ZNF850: variants seen among roughly 807,000 people sequenced by gnomAD.
ZNF850 encodes zinc finger protein 850.
A neutral mutation model predicts 11.9 loss-of-function variants in ZNF850; 2 were observed. The ratio of observed to expected loss-of-function variants is 0.17; its 90% CI spans 0.07 to 0.53. The LOEUF (loss-of-function observed/expected upper bound fraction) is 0.53. ZNF850 is among the 20% of genes least tolerant of loss of function. The pLI is 0.94. For synonymous variants in ZNF850, 381 were observed against 443.0 expected (o/e 0.86, Z 1.76); for missense variants, 1,014 against 1,316.4 (o/e 0.77, Z 3.55).
chr19:36,771,829 C>A (rs1484625944), intron 1 of ZNF850, among the ~76,000 whole-genome samples: 1 of 152,216 alleles, frequency 6.6e-6, no homozygotes, highest in Non-Finnish European at 1.5e-5. Flanking sequence ...AACCGCCTGA[C>A]TTCCTTATCA....
chr19:36,759,839 A>G (rs2081306169), intron 4 of ZNF850, among the ~76,000 whole-genome samples: 1 of 152,240 alleles, frequency 6.6e-6, no homozygotes, highest in South Asian at 2.1e-4. Context: ...ATTTTGAAAA[A>G]CAAAATGCCT....
intron 4 of ZNF850, among the ~76,000 whole-genome samples, chr19:36,753,730 T>C (rs960796059): frequency 1.2e-4 from 19 of 152,108 alleles, no homozygotes; most frequent in Non-Finnish European, 2.2e-4. Flanking sequence ...TATAAGCTCA[T>C]TTAATCTTCA....
chr19:36,752,793 T>G (rs986561160), intron 4 of ZNF850, among the ~76,000 whole-genome samples: 1 of 152,282 alleles, frequency 6.6e-6, no homozygotes, highest in South Asian at 2.1e-4. Context: ...TAACTGGAAA[T>G]GCAAAAGCAA....
At chr19:36,768,438 A>G (rs1426682923) in intron 1 of ZNF850, among the ~76,000 whole-genome samples, 2 of 152,204 alleles carry the variant, frequency 1.3e-5, no homozygotes, top group African/African-American at 2.4e-5. Context: ...TTGTTGCTTA[A>G]TATTACTCAT....
In ZNF850 at chr19:36,748,500, C is replaced by T. The variant is rs903409011; in HGVS notation, c.2540G>A (p.Gly847Glu). 5 of 1,539,188 alleles carry T rather than the reference C, an allele frequency of 3.2e-6. No individual in the cohort carries two copies. The highest frequency in any genetic ancestry group is 4.4e-6 in the Non-Finnish European group (5 of 1,147,508). The change falls in exon 5 of 5, where the codon GGG (glycine) becomes GAG (glutamate). Residue 847 changes from glycine to glutamate, a missense_variant. This residue lies in a region of ZNF850 where 835 missense variants were observed against 1,022.0 expected (regional missense o/e 0.82). Coordinates refer to ENST00000591344, the MANE Select transcript of ZNF850 (RefSeq NM_001193552.2). ...GEKRYSCKEC[G>E]KSFTSRSTLI... Reference sequence around the variant, plus strand: ...TGTTGAGCGAGAAGTAAAAGATTTCCCACATTCTTTACAACTGTAGCGTTT... The same window carrying T: ...TGTTGAGCGAGAAGTAAAAGATTTCTCACATTCTTTACAACTGTAGCGTTT...
chr19:36,756,447 A>G (rs1471230897), intron 4 of ZNF850, among the ~76,000 whole-genome samples: 1 of 152,040 alleles, frequency 6.6e-6, no homozygotes, highest in Non-Finnish European at 1.5e-5. Flanking sequence ...CTATGTGTGC[A>G]TTTTTTTCTT....
At chr19:36,754,774 C>G (rs757717907) in intron 4 of ZNF850, among the ~76,000 whole-genome samples, 1 of 152,062 alleles carries the variant, frequency 6.6e-6, no homozygotes, top group Non-Finnish European at 1.5e-5. Flanking sequence ...CCAGCCTGGT[C>G]TTGAGCTACT....
At chr19:36,766,956 G>T (rs1002626517) in intron 1 of ZNF850, among the ~76,000 whole-genome samples, 2 of 152,046 alleles carry the variant, frequency 1.3e-5, no homozygotes, top group Admixed American at 6.6e-5. Flanking sequence ...TACGAAAAAG[G>T]CCAGGCGCAG....
intron 1 of ZNF850, among the ~76,000 whole-genome samples, chr19:36,763,862 C>T (rs2040533692): frequency 1.3e-5 from 2 of 151,504 alleles, no homozygotes; most frequent in Non-Finnish European, 1.5e-5. Context: ...TGCTTGAGCC[C>T]GGGAGGTCGA....
intron 1 of ZNF850, among the ~76,000 whole-genome samples, chr19:36,772,385 A>G (rs1035915802): frequency 6.6e-5 from 10 of 151,880 alleles, no homozygotes; most frequent in African/African-American, 2.4e-4. Flanking sequence ...TCTCACATAC[A>G]CCAAGGGGCC....
rs1382146149 is a variant in ZNF850, at chr19:36,748,662, G to T, written c.2378C>A (p.Ser793Tyr). ...AATTAGTGTTGAATGAGAAGTAAAAGATTTCCCACATTCCTTACAATCATA... is the reference window on the plus strand; with the variant it reads ...AATTAGTGTTGAATGAGAAGTAAAATATTTCCCACATTCCTTACAATCATA... ...KLYDCKECGKSFTSHSTLIQH... is the reference protein window; with the variant it reads ...KLYDCKECGKYFTSHSTLIQH... Residue 793 changes from serine (S) to tyrosine (Y), a missense_variant, in exon 5 of 5, where the codon TCT becomes TAT. Physicochemically the swap from Ser to Tyr is moderately radical, Grantham distance 144. Around this residue, in one of 2 missense-constraint regions of ZNF850, gnomAD observed 835 missense variants for 1,022.0 expected, o/e 0.82. Coordinates refer to ENST00000591344, the MANE Select transcript of ZNF850 (RefSeq NM_001193552.2). 1 of 1,537,518 alleles carries T rather than the reference G, an allele frequency of 6.5e-7. No individual in the cohort carries two copies. Among genetic ancestry groups the T allele is most frequent in the Non-Finnish European group, 8.7e-7 (1 of 1,147,024 alleles).
At chr19:36,755,755 A>G (rs2040482293) in intron 4 of ZNF850, among the ~76,000 whole-genome samples, 1 of 151,492 alleles carries the variant, frequency 6.6e-6, no homozygotes, top group African/African-American at 2.4e-5. Context: ...TCACATGAAG[A>G]AAAAAAACAG....
chr19:36,763,936 TCAAACAAA>T (rs561946291), intron 1 of ZNF850, among the ~76,000 whole-genome samples: 25 of 150,968 alleles, frequency 1.7e-4, no homozygotes, highest in Admixed American at 5.3e-4. Flanking sequence ...AGATCCTGTC[TCAAACAAA>T]CAAACAAACA....
In ZNF850 at chr19:36,748,505, T is replaced by G. The variant is rs2040427837; in HGVS notation, c.2535A>C (p.Glu845Asp). The G allele has an allele frequency of 6.5e-7, 1 of 1,538,826 alleles. No homozygotes were observed. Among genetic ancestry groups the G allele is most frequent in the Admixed American group, 2.0e-5 (1 of 50,998 alleles). Residue 845 changes from glutamate (E) to aspartate (D), a missense_variant, in exon 5 of 5, where the codon GAA (glutamate) becomes GAC (aspartate). Physicochemically the swap from Glu to Asp is conservative, Grantham distance 45. This residue lies in a region of ZNF850 where 835 missense variants were observed against 1,022.0 expected (regional missense o/e 0.82). Transcript: ENST00000591344. ...AGCGAGAAGTAAAAGATTTCCCACATTCTTTACAACTGTAGCGTTTCTCAC... is the reference window on the plus strand; with the variant it reads ...AGCGAGAAGTAAAAGATTTCCCACAGTCTTTACAACTGTAGCGTTTCTCAC... ...HTGEKRYSCK[E>D]CGKSFTSRST...
At chr19:36,753,480 G>A (rs969627612) in intron 4 of ZNF850, among the ~76,000 whole-genome samples, 1 of 141,072 alleles carries the variant, frequency 7.1e-6, no homozygotes, top group Admixed American at 7.4e-5. Flanking sequence ...GTAGCCTCAG[G>A]TACTCGGGAG....
intron 1 of ZNF850, among the ~76,000 whole-genome samples, chr19:36,769,953 G>A (rs1388913262): frequency 6.6e-6 from 1 of 152,204 alleles, no homozygotes; most frequent in Non-Finnish European, 1.5e-5. Context: ...TACAACTTCT[G>A]ACTGACGGGT....
At chr19:36,757,647 C>A (rs826971) in intron 4 of ZNF850, among the ~76,000 whole-genome samples, 85,730 of 150,986 alleles carry the variant, frequency 0.57, 25,023 homozygotes, top group Non-Finnish European at 0.63. Context: ...GCTGGGATTA[C>A]AGGTGACTGC....
intron 4 of ZNF850, among the ~76,000 whole-genome samples, chr19:36,759,326 T>G (rs2040505154): frequency 6.6e-6 from 1 of 151,816 alleles, no homozygotes; most frequent in Admixed American, 6.6e-5. Context: ...AAATTAGAAA[T>G]TGACTGGGTG....
At position 36,749,775 on chromosome 19, in the gene ZNF850, T is replaced by C; in HGVS notation, c.1265A>G (p.Asp422Gly). 1 of 1,556,236 alleles carries C rather than the reference T, an allele frequency of 6.4e-7. No homozygotes were observed. Among genetic ancestry groups the C allele is most frequent in the South Asian group, 1.2e-5 (1 of 85,014 alleles). ...QAIHTGEKPY[D>G]CKECGKSFTA... is the part of the protein sequence containing the mutation. ...AAAAGATTTTCCACATTCTTTACAA[T>C]CATAGGGTTTCTCACCAGTGTGAAT... Residue 422 changes from aspartate (D) to glycine (G), a missense_variant, in exon 5 of 5, where the codon GAT becomes GGT. Physicochemically the swap from Asp to Gly is moderately conservative, Grantham distance 94. Around this residue, in one of 2 missense-constraint regions of ZNF850, gnomAD observed 835 missense variants for 1,022.0 expected, o/e 0.82. Transcript: ENST00000591344.
Sources: allele counts gnomAD v4.1 joint callset (sites outside exome capture counted in the v4.1 genomes callset), GRCh38; gene constraint gnomAD v4.1.1; regional missense constraint gnomAD v4.1.1; transcripts MANE v1.5; gene names NCBI Gene and HGNC (gene_info 2026-07-23, HGNC 2026-07-21).